ERBB4: variants seen among roughly 807,000 people sequenced by gnomAD.
ERBB4 encodes the protein erb-b2 receptor tyrosine kinase 4.
A neutral mutation model predicts 158.0 loss-of-function variants in ERBB4; 42 were observed. That is an observed-to-expected ratio of 0.27 (90% CI 0.21 to 0.34). The LOEUF is 0.34. Ranked by LOEUF, ERBB4 falls within the 10% of genes least tolerant of loss-of-function variation. The pLI is 1.00. For synonymous variants in ERBB4, 583 were observed against 558.7 expected (o/e 1.04, Z -0.61); for missense variants, 1,333 against 1,624.1 (o/e 0.82, Z 3.08).
At chr2:211,803,819 C>T (rs891010458) in intron 3 of ERBB4, among the ~76,000 whole-genome samples, 1 of 152,174 alleles carries the variant, frequency 6.6e-6, no homozygotes, top group Non-Finnish European at 1.5e-5. Context: ...GATATGCTCT[C>T]ATGGAACTAG....
At chr2:212,182,294 G>A (rs1461320552) in intron 1 of ERBB4, among the ~76,000 whole-genome samples, 1 of 151,782 alleles carries the variant, frequency 6.6e-6, no homozygotes, top group East Asian at 1.9e-4. Flanking sequence ...ACTGGGGATG[G>A]TATTGAACCC....
chr2:211,465,020 C>G (rs928352695), intron 20 of ERBB4, among the ~76,000 whole-genome samples: 1 of 148,764 alleles, frequency 6.7e-6, no homozygotes, highest in African/African-American at 2.5e-5. Flanking sequence ...CCTCTGCTAC[C>G]CAGGCTGCTG....
At chr2:211,738,152 C>G (rs1323248748) in intron 5 of ERBB4, among the ~76,000 whole-genome samples, 2 of 152,038 alleles carry the variant, frequency 1.3e-5, no homozygotes, top group Non-Finnish European at 2.9e-5. Context: ...ATAACTGATA[C>G]TGTTCCAAGC....
At chr2:211,694,581 A>C (rs1251312021) in intron 12 of ERBB4, among the ~76,000 whole-genome samples, 1 of 151,632 alleles carries the variant, frequency 6.6e-6, no homozygotes, top group Non-Finnish European at 1.5e-5. Context: ...TTTACAAAGA[A>C]CAGTGTATTG....
At chr2:212,401,961 G>T (rs1363604369) in intron 1 of ERBB4, among the ~76,000 whole-genome samples, 1 of 152,084 alleles carries the variant, frequency 6.6e-6, no homozygotes, top group Non-Finnish European at 1.5e-5. Context: ...CTGGAAAATA[G>T]TTTGAGGTTT....
chr2:212,294,495 A>G (rs60654384), intron 1 of ERBB4, among the ~76,000 whole-genome samples: 2,861 of 152,014 alleles, frequency 0.019, 77 homozygotes, highest in African/African-American at 0.066. Flanking sequence ...TTATACTGAA[A>G]TTATATATAC....
In ERBB4 at chr2:211,679,894, G is replaced by A. The variant is rs577562948; in HGVS notation, c.1490-710C>T. On this transcript the variant is annotated intron_variant, in intron 12 of 27. Transcript: ENST00000342788. ...AGGGTTTCACCATGTTGGCCAGGCT[G>A]GTCTTAAACTCCTGACCTCAAGTGA... Among the ~76,000 whole-genome samples the A allele has an allele frequency of 5.3e-5, 8 of 152,204 alleles. No homozygotes were observed. In the East Asian group the frequency reaches 1.5e-3, roughly 29 times the overall value.
chr2:212,342,788 T>G (rs2088787027), intron 1 of ERBB4, among the ~76,000 whole-genome samples: 1 of 152,198 alleles, frequency 6.6e-6, no homozygotes, highest in African/African-American at 2.4e-5. Flanking sequence ...ATATTGTAGT[T>G]TCTAAACAAT....
At chr2:211,711,985 C>G (rs1054954183) in intron 9 of ERBB4, 65 bp downstream of exon 9, 1 of 1,416,922 alleles carries the variant, frequency 7.1e-7, no homozygotes, top group African/African-American at 1.4e-5. Flanking sequence ...ATAAACAAAA[C>G]TAAAGAATCT....
intron 3 of ERBB4, among the ~76,000 whole-genome samples, chr2:211,802,208 G>A (rs2076514036): frequency 6.6e-6 from 1 of 151,860 alleles, no homozygotes; most frequent in South Asian, 2.1e-4. Context: ...GCAGTGAGCC[G>A]AGATAGCGCC....
intron 20 of ERBB4, among the ~76,000 whole-genome samples, chr2:211,483,009 A>C (rs1574578855): frequency 6.6e-6 from 1 of 152,310 alleles, no homozygotes; most frequent in East Asian, 1.9e-4. Context: ...TACTATAATT[A>C]TATTTCATAT....
chr2:211,550,838 G>A (rs529629385), intron 20 of ERBB4, among the ~76,000 whole-genome samples: 1 of 150,854 alleles, frequency 6.6e-6, no homozygotes, highest in Admixed American at 6.6e-5. Context: ...GATCATGGCT[G>A]TAGATAATTT....
At chr2:211,713,386 T>C (rs376416296) in intron 8 of ERBB4, 149 bp downstream of exon 8, 6 of 668,260 alleles carry the variant, frequency 9.0e-6, no homozygotes, top group African/African-American at 3.6e-5. Flanking sequence ...AGTTCATATT[T>C]TGAGTAACTG....
intron 1 of ERBB4, among the ~76,000 whole-genome samples, chr2:212,536,491 T>C (rs1455485679): frequency 2.0e-5 from 3 of 152,224 alleles, no homozygotes; most frequent in African/African-American, 7.2e-5. Flanking sequence ...CCCCCAGAAT[T>C]TCAAGTACAG....
intron 5 of ERBB4, among the ~76,000 whole-genome samples, chr2:211,726,376 G>C (rs2106136962): frequency 6.6e-6 from 1 of 152,184 alleles, no homozygotes; most frequent in African/African-American, 2.4e-5. Flanking sequence ...TGCATTTCTA[G>C]CTGTCTACAG....
intron 2 of ERBB4, among the ~76,000 whole-genome samples, chr2:212,002,357 AG>A (rs1248965438): frequency 6.6e-6 from 1 of 152,160 alleles, no homozygotes; most frequent in Non-Finnish European, 1.5e-5. Flanking sequence ...AAGATACAGA[AG>A]TTAGTACAAG....
At chr2:211,811,972 T>C (rs1269826582) in intron 3 of ERBB4, among the ~76,000 whole-genome samples, 8 of 152,186 alleles carry the variant, frequency 5.3e-5, no homozygotes, top group Admixed American at 5.2e-4. Context: ...GGTTCAAACA[T>C]CCTCCTTTAG....
chr2:211,875,561 A>G (rs2078477989), intron 3 of ERBB4, among the ~76,000 whole-genome samples: 1 of 152,206 alleles, frequency 6.6e-6, no homozygotes. Context: ...ATGGATCTGA[A>G]AAATGTTTAG....
chr2:212,465,373 A>G (rs1688779858), intron 1 of ERBB4, among the ~76,000 whole-genome samples: 2 of 152,164 alleles, frequency 1.3e-5, no homozygotes, highest in Non-Finnish European at 2.9e-5. Context: ...TGAAAGGGAA[A>G]GCGAACAGTC....
Sources: allele counts gnomAD v4.1 joint callset (sites outside exome capture counted in the v4.1 genomes callset), GRCh38; gene constraint gnomAD v4.1.1; transcripts MANE v1.5; gene names NCBI Gene and HGNC (gene_info 2026-07-23, HGNC 2026-07-21).